GNAL: variants seen among roughly 807,000 people sequenced by gnomAD.
GNAL encodes G protein subunit alpha L, also known as guanine nucleotide-binding protein G(olf) subunit alpha.
Under a neutral mutation model 55.1 loss-of-function variants are expected in GNAL, and 18 were observed. The observed-to-expected ratio is 0.33, with a 90% CI of 0.23 to 0.48. The LOEUF is 0.48. Among genes scored for constraint, GNAL ranks in the 20% least tolerant of loss-of-function variants. The probability of loss-of-function intolerance (pLI) is 0.99; values close to 1 mark genes in which losing one functional copy is unlikely to be tolerated. For missense variants in GNAL, 412 were observed against 614.1 expected (o/e 0.67, Z 3.48); for synonymous variants, 253 against 237.0 (o/e 1.07, Z -0.62).
At chr18:11,796,423 A>G (rs1011982452) in intron 4 of GNAL, among the ~76,000 whole-genome samples, 3 of 151,792 alleles carry the variant, frequency 2.0e-5, no homozygotes. Flanking sequence ...TAAAAATACA[A>G]AACAAAATTA....
intron 1 of GNAL, among the ~76,000 whole-genome samples, chr18:11,731,353 G>A (rs562059056): frequency 4.1e-4 from 62 of 152,302 alleles, no homozygotes; most frequent in African/African-American, 1.4e-3. Flanking sequence ...TCTCCATGTT[G>A]GCCAGGCTGG....
intron 4 of GNAL, among the ~76,000 whole-genome samples, chr18:11,761,136 C>G (rs897153867): frequency 5.3e-5 from 8 of 152,160 alleles, no homozygotes; most frequent in African/African-American, 1.9e-4. Flanking sequence ...TCTGACATGG[C>G]TTACTGTCCA....
At chr18:11,698,405 C>T (rs1158380389) in intron 1 of GNAL, among the ~76,000 whole-genome samples, 1 of 150,168 alleles carries the variant, frequency 6.7e-6, no homozygotes. Context: ...GCAGGAGAAT[C>T]GCTTGAACCC....
At chr18:11,736,107 AT>A (rs2032457187) in intron 1 of GNAL, among the ~76,000 whole-genome samples, 1 of 152,194 alleles carries the variant, frequency 6.6e-6, no homozygotes, top group Non-Finnish European at 1.5e-5. Flanking sequence ...TTTATTAAAG[AT>A]ACTTCTGGCT....
At chr18:11,862,917 C>T (rs2036180402) in intron 6 of GNAL, among the ~76,000 whole-genome samples, 4 of 148,054 alleles carry the variant, frequency 2.7e-5, no homozygotes, top group South Asian at 4.2e-4. Context: ...CTTGCTCTGT[C>T]GCCCAGACTG....
Position 11,755,024 on chromosome 18 carries a change from G to GTGTGTGTGTA in GNAL, c.624+1084_624+1085insGTGTATGTGT, listed in dbSNP as rs2032999316. 2.0e-5 allele frequency among the ~76,000 whole-genome samples: 3 copies of GTGTGTGTGTA among 148,112 alleles called. No individual in the cohort carries two copies. The East Asian group carries it at 5.9e-4, about 29-fold the overall frequency. ...TGTGTGTGTGTGTGTGTGTGTGTGT[G>GTGTGTGTGTA]TGTGTATGTGTATTCATCAATAACA... On this transcript the variant is annotated intron_variant, in intron 4 of 11. Coordinates refer to ENST00000334049, the MANE Select transcript of GNAL (RefSeq NM_182978.4).
Position 11,769,146 on chromosome 18 carries a change from G to T in GNAL, c.624+15201G>T, listed in dbSNP as rs180818569. Among the ~76,000 whole-genome samples, 70 of 86,796 alleles carry T rather than the reference G, an allele frequency of 8.1e-4. 16 individuals carry two copies. The African/African-American group carries it at 8.1e-3, about 10-fold the overall frequency. The allele number at this position is 86,796 out of a possible 152,430, so 56.9% of individuals were successfully genotyped here. ...TATATGTAATATATATTATAATATA[G>T]ATTATATAAATTATATGTAATATAT... On this transcript the variant is annotated intron_variant, in intron 4 of 11. Coordinates refer to ENST00000334049, the MANE Select transcript of GNAL (RefSeq NM_182978.4).
At chr18:11,700,847 A>G (rs1456535730) in intron 1 of GNAL, among the ~76,000 whole-genome samples, 1 of 152,280 alleles carries the variant, frequency 6.6e-6, no homozygotes, top group Non-Finnish European at 1.5e-5. Flanking sequence ...CAGAAAAAGC[A>G]TAAGAAGACA....
intron 6 of GNAL, 70 bp downstream of exon 6, chr18:11,862,519 T>C: frequency 8.0e-7 from 1 of 1,254,030 alleles, no homozygotes; most frequent in East Asian, 2.3e-5. Flanking sequence ...GATTTAATGA[T>C]TATTTCAGAA....
chr18:11,727,054 A>G (rs1230473163), intron 1 of GNAL, among the ~76,000 whole-genome samples: 2 of 151,022 alleles, frequency 1.3e-5, no homozygotes, highest in African/African-American at 2.4e-5. Flanking sequence ...CGTCCTCCAC[A>G]CCCCCAGCCC....
intron 1 of GNAL, among the ~76,000 whole-genome samples, chr18:11,703,795 G>GTGCACACACACACACA (rs1555641028): frequency 2.7e-4 from 38 of 141,496 alleles, no homozygotes; most frequent in African/African-American, 7.1e-4. Flanking sequence ...GTGTTGATGG[G>GTGCACACACACACACA]CACACACACA....
intron 1 of GNAL, among the ~76,000 whole-genome samples, chr18:11,743,965 TTC>T (rs1436034242): frequency 6.6e-6 from 1 of 152,208 alleles, no homozygotes; most frequent in Non-Finnish European, 1.5e-5. Context: ...ACCTTGATAG[TTC>T]ATTCTATTTG....
At chr18:11,783,340 A>C (rs768941790) in intron 4 of GNAL, among the ~76,000 whole-genome samples, 11 of 152,230 alleles carry the variant, frequency 7.2e-5, no homozygotes, top group Non-Finnish European at 1.5e-4. Flanking sequence ...CTTACCTCAG[A>C]GTTGCTGTGA....
chr18:11,840,315 A>G (rs1486279846), intron 5 of GNAL, among the ~76,000 whole-genome samples: 5 of 152,258 alleles, frequency 3.3e-5, no homozygotes, highest in Non-Finnish European at 7.3e-5. Context: ...CATTGCTAAG[A>G]AAGAAACTGC....
intron 5 of GNAL, among the ~76,000 whole-genome samples, chr18:11,861,438 C>T (rs557753182): frequency 6.6e-6 from 1 of 152,194 alleles, no homozygotes; most frequent in African/African-American, 2.4e-5. Context: ...TGGTTCATTC[C>T]ACCATATTTA....
chr18:11,873,659 G>A (rs77929071), intron 10 of GNAL, among the ~76,000 whole-genome samples: 2,012 of 152,264 alleles, frequency 0.013, 24 homozygotes, highest in Non-Finnish European at 0.018. Flanking sequence ...TGCTCTACCC[G>A]CAGCCTGATG....
intron 6 of GNAL, among the ~76,000 whole-genome samples, chr18:11,863,510 C>T (rs1021064362): frequency 1.3e-5 from 2 of 152,222 alleles, no homozygotes; most frequent in African/African-American, 4.8e-5. Flanking sequence ...ATGGAGGCTT[C>T]CTCGTCTTGA....
At chr18:11,697,517 C>CA (rs949309765) in intron 1 of GNAL, among the ~76,000 whole-genome samples, 24 of 151,608 alleles carry the variant, frequency 1.6e-4, no homozygotes, top group African/African-American at 5.8e-4. Context: ...GAGATCGTGC[C>CA]ATTGCACTCC....
intron 4 of GNAL, among the ~76,000 whole-genome samples, chr18:11,796,593 AAAC>A (rs1397441072): frequency 1.3e-5 from 2 of 150,298 alleles, no homozygotes; most frequent in African/African-American, 2.5e-5. Context: ...AAAAAAAAAA[AAAC>A]AAAACACGCA....
Sources: allele counts gnomAD v4.1 joint callset (sites outside exome capture counted in the v4.1 genomes callset), GRCh38; gene constraint gnomAD v4.1.1; transcripts MANE v1.5; gene names NCBI Gene and HGNC (gene_info 2026-07-23, HGNC 2026-07-21).